The following IQGAP2 variants were observed in gnomAD, a reference collection of about 807,000 sequenced individuals.
IQGAP2 encodes the protein ras GTPase-activating-like protein IQGAP2.
In IQGAP2, 173 loss-of-function variants were observed where a neutral mutation model predicts 201.3. The observed-to-expected ratio is 0.86, with a 90% CI of 0.76 to 0.98. IQGAP2 has a LOEUF of 0.98. Among genes scored for constraint, IQGAP2 ranks in the 50% least tolerant of loss-of-function variants. The pLI, the probability that IQGAP2 is intolerant of heterozygous loss-of-function variation, is 0.00. For synonymous variants in IQGAP2, 675 were observed against 673.9 expected (o/e 1.00, Z -0.03); for missense variants, 1,687 against 1,864.8 (o/e 0.90, Z 1.76).
intron 2 of IQGAP2, among the ~76,000 whole-genome samples, chr5:76,508,333 GA>G (rs768664821): frequency 7.9e-5 from 12 of 152,040 alleles, no homozygotes; most frequent in Non-Finnish European, 7.4e-5. Context: ...AAATAAAAAA[GA>G]TATGAATGGA....
chr5:76,577,173 A>G (rs1307165701), intron 5 of IQGAP2, among the ~76,000 whole-genome samples: 2 of 152,090 alleles, frequency 1.3e-5, no homozygotes, highest in African/African-American at 2.4e-5. Flanking sequence ...TCTGAAATAG[A>G]CAACTGGGAC....
chr5:76,637,127 C>A lies in IQGAP2; in HGVS notation c.1874C>A (p.Pro625His). 1 of 1,611,208 alleles carries A rather than the reference C, an allele frequency of 6.2e-7. No individual in the cohort carries two copies. The highest frequency in any genetic ancestry group is 8.5e-7 in the Non-Finnish European group (1 of 1,178,450). ...TCAAAAGAGAGTTCCTGGGTCACAC[C>A]TGAATCATGCTTGTATAAAGAATCA... ...TDSKESSWVT[P>H]ESCLYKESWL... The change falls in exon 16 of 36, where the codon CCT becomes CAT. Residue 625 changes from proline to histidine, a missense_variant. Transcript: ENST00000274364.
At position 76,702,495 on chromosome 5, in the gene IQGAP2, A is replaced by G. The variant is rs1747491184; in HGVS notation, c.4519A>G (p.Thr1507Ala). ...DLQTNQFKNV[T>A]FDIIATEDVG... is the part of the protein sequence containing the mutation. ...CTTTCTTCACAGGTTTAAGAATGTT[A>G]CATTTGATATCATAGCTACTGAAGA... Residue 1507 changes from threonine to alanine, a missense_variant, in exon 35 of 36, where the codon ACA (threonine) becomes GCA (alanine). Transcript: ENST00000274364. 2.0e-6 allele frequency: 3 copies of G among 1,524,172 alleles called. No individual in the cohort carries two copies. Among genetic ancestry groups the G allele is most frequent in the Admixed American group, 1.7e-5 (1 of 59,822 alleles). 94.4% of individuals were successfully genotyped at this position (1,524,172 alleles called of 1,614,324 possible).
At chr5:76,703,948 G>C (rs777975529) in intron 35 of IQGAP2, among the ~76,000 whole-genome samples, 15 of 152,204 alleles carry the variant, frequency 9.9e-5, no homozygotes, top group Admixed American at 8.5e-4. Context: ...CATCATGGGA[G>C]TGTGTGCCAG....
At chr5:76,599,618 G>C (rs888315357) in intron 10 of IQGAP2, among the ~76,000 whole-genome samples, 1 of 152,024 alleles carries the variant, frequency 6.6e-6, no homozygotes, top group African/African-American at 2.4e-5. Context: ...ACATGCTCTC[G>C]ATGGTAACCC....
intron 2 of IQGAP2, among the ~76,000 whole-genome samples, chr5:76,489,706 A>T (rs1756415830): frequency 6.6e-6 from 1 of 152,150 alleles, no homozygotes; most frequent in Non-Finnish European, 1.5e-5. Flanking sequence ...ACCTCACGTG[A>T]TCCATCCGCC....
chr5:76,544,310 G>C (rs1212879307), intron 2 of IQGAP2, among the ~76,000 whole-genome samples: 1 of 152,150 alleles, frequency 6.6e-6, no homozygotes, highest in Non-Finnish European at 1.5e-5. Flanking sequence ...TACAGCCCAC[G>C]ATGGTTCACA....
chr5:76,551,590 C>T (rs369486488), intron 2 of IQGAP2, among the ~76,000 whole-genome samples: 3,105 of 152,178 alleles, frequency 0.02, 85 homozygotes, highest in African/African-American at 0.067. Flanking sequence ...AGCGAGACTC[C>T]GTCTGCAATC....
chr5:76,692,386 A>G (rs139677283), intron 30 of IQGAP2, among the ~76,000 whole-genome samples: 1 of 152,340 alleles, frequency 6.6e-6, no homozygotes, highest in African/African-American at 2.4e-5. Flanking sequence ...TTCTGACCGC[A>G]GGTGATCCGC....
chr5:76,672,539 A>G (rs1242601103), intron 24 of IQGAP2, among the ~76,000 whole-genome samples: 1 of 152,240 alleles, frequency 6.6e-6, no homozygotes, highest in Non-Finnish European at 1.5e-5. Flanking sequence ...GATTTGTTAA[A>G]TAAATGTTTG....
At chr5:76,567,329 A>AT (rs1187396659) in intron 3 of IQGAP2, among the ~76,000 whole-genome samples, 1 of 152,216 alleles carries the variant, frequency 6.6e-6, no homozygotes, top group Non-Finnish European at 1.5e-5. Context: ...CGGATTTCGG[A>AT]TTTTGGGATT....
At chr5:76,510,156 T>A (rs1035562641) in intron 2 of IQGAP2, among the ~76,000 whole-genome samples, 1 of 152,054 alleles carries the variant, frequency 6.6e-6, no homozygotes, top group South Asian at 2.1e-4. Context: ...CCCGCCACCA[T>A]GCCCGGCTAA....
At chr5:76,580,496 C>T (rs1745773472) in intron 5 of IQGAP2, among the ~76,000 whole-genome samples, 1 of 152,144 alleles carries the variant, frequency 6.6e-6, no homozygotes, top group Admixed American at 6.5e-5. Context: ...AAACAAAGTA[C>T]TTGTGTTTTA....
chr5:76,609,657 G>T (rs1447886003), intron 12 of IQGAP2, among the ~76,000 whole-genome samples: 1 of 152,032 alleles, frequency 6.6e-6, no homozygotes, highest in African/African-American at 2.4e-5. Context: ...GAAGTGACGG[G>T]TGATCATTTT....
chr5:76,706,318 GTGTTTT>G (rs58225513), intron 35 of IQGAP2, among the ~76,000 whole-genome samples: 48,607 of 150,604 alleles, frequency 0.32, 7,932 homozygotes, highest in Non-Finnish European at 0.35. Flanking sequence ...ACTGCTTTCT[GTGTTTT>G]TGTTTTTGTT....
chr5:76,595,131 C>A (rs2150314570), intron 9 of IQGAP2, among the ~76,000 whole-genome samples: 1 of 152,086 alleles, frequency 6.6e-6, no homozygotes, highest in Admixed American at 6.6e-5. Flanking sequence ...TTGTTAGAGG[C>A]CTCAGCTTTG....
intron 13 of IQGAP2, among the ~76,000 whole-genome samples, chr5:76,614,779 C>T (rs903899296): frequency 7.1e-6 from 1 of 141,302 alleles, no homozygotes; most frequent in Non-Finnish European, 1.5e-5. Context: ...CTAGAAGTTT[C>T]CAGTTGTGTG....
At chr5:76,666,825 C>A (rs1478310868) in intron 22 of IQGAP2, among the ~76,000 whole-genome samples, 2 of 152,142 alleles carry the variant, frequency 1.3e-5, no homozygotes, top group South Asian at 2.1e-4. Context: ...CTCACTGCAG[C>A]CTTCATCTCC....
chr5:76,520,639 C>CACTTTGAGA (rs886753062), intron 2 of IQGAP2, among the ~76,000 whole-genome samples: 3 of 150,924 alleles, frequency 2.0e-5, no homozygotes, highest in African/African-American at 7.3e-5. Flanking sequence ...ATCTATAGAT[C>CACTTTGAGA]ACTTTGAGAA....
Sources: allele counts gnomAD v4.1 joint callset (sites outside exome capture counted in the v4.1 genomes callset), GRCh38; gene constraint gnomAD v4.1.1; transcripts MANE v1.5; gene names NCBI Gene and HGNC (gene_info 2026-07-23, HGNC 2026-07-21).